Variants in ATF7IP2 observed in about 807,000 individuals in gnomAD.
ATF7IP2 encodes the protein activating transcription factor 7-interacting protein 2.
Under a neutral mutation model 64.2 loss-of-function variants are expected in ATF7IP2, and 42 were observed. The observed-to-expected ratio is 0.65, with a 90% confidence interval of 0.51 to 0.85. The LOEUF is 0.85. Among genes scored for constraint, ATF7IP2 ranks in the 40% least tolerant of loss-of-function variants. ATF7IP2 has a pLI of 0.00. For missense variants in ATF7IP2, 933 were observed against 784.2 expected, an observed-to-expected ratio of 1.19 and a Z score of -2.27; for synonymous variants, 308 against 272.8, an observed-to-expected ratio of 1.13 and a Z score of -1.27.
At chr16:10,432,672 C>T (rs2048295561) in intron 5 of ATF7IP2, among the ~76,000 whole-genome samples, 1 of 152,158 alleles carries the variant, frequency 6.6e-6, no homozygotes, top group Non-Finnish European at 1.5e-5. Flanking sequence ...AGTTCAAGAC[C>T]AGCCTGGCCA....
intron 1 of ATF7IP2, among the ~76,000 whole-genome samples, chr16:10,409,388 TA>T (rs2047706327): frequency 6.6e-6 from 1 of 152,202 alleles, no homozygotes; most frequent in Non-Finnish European, 1.5e-5. Flanking sequence ...GTTAACAAGC[TA>T]AACCTTTGAA....
At chr16:10,392,230 G>C (rs1267816731) in intron 1 of ATF7IP2, among the ~76,000 whole-genome samples, 1 of 151,674 alleles carries the variant, frequency 6.6e-6, no homozygotes, top group African/African-American at 2.4e-5. Flanking sequence ...GTAGAAATGG[G>C]GTTTCGCCAT....
chr16:10,416,313 C>G (rs190948948), intron 2 of ATF7IP2, among the ~76,000 whole-genome samples: 2 of 152,146 alleles, frequency 1.3e-5, no homozygotes. Flanking sequence ...GTGGATGGCT[C>G]TAGAGGTCAT....
chr16:10,462,210 G>A lies in ATF7IP2; in HGVS notation c.1352+4681G>A, dbSNP rs189137210. Among the ~76,000 whole-genome samples the A allele has an allele frequency of 1.3e-3, 204 of 151,984 alleles. 2 individuals are homozygous for A. Among genetic ancestry groups the A allele is most frequent in the African/African-American group, 4.1e-3 (172 of 41,504 alleles). On this transcript the variant is annotated intron_variant, in intron 9 of 13. Coordinates refer to ENST00000562102, the MANE Select transcript of ATF7IP2 (RefSeq NM_001393719.1). ...TTCCCCATCTTATGTGTTTTTGTGC[G>A]TTTCGATTTTACATTAAGTCCTAGA... is the stretch of plus-strand genomic sequence containing the variant.
chr16:10,425,904 AAAGTT>A (rs1466165103), intron 3 of ATF7IP2, among the ~76,000 whole-genome samples: 1 of 152,172 alleles, frequency 6.6e-6, no homozygotes. Context: ...AAAAAAAAAA[AAAGTT>A]AAAGGTAAAG....
intron 9 of ATF7IP2, among the ~76,000 whole-genome samples, chr16:10,459,910 G>A (rs1167392381): frequency 6.6e-6 from 1 of 151,996 alleles, no homozygotes; most frequent in African/African-American, 2.4e-5. Context: ...ATAACATACT[G>A]GATGCCTTAG....
chr16:10,471,360 T>G (rs1250280048), intron 9 of ATF7IP2, among the ~76,000 whole-genome samples: 1 of 152,126 alleles, frequency 6.6e-6, no homozygotes, highest in Non-Finnish European at 1.5e-5. Flanking sequence ...AAACCCTGTC[T>G]CTACTAAAAA....
At chr16:10,391,319 G>A (rs2047317869) in intron 1 of ATF7IP2, among the ~76,000 whole-genome samples, 1 of 151,878 alleles carries the variant, frequency 6.6e-6, no homozygotes, top group Non-Finnish European at 1.5e-5. Context: ...TACTCAGGAG[G>A]CTGAGATGGG....
At chr16:10,438,066 C>G in intron 6 of ATF7IP2, 35 bp from the exon 7 acceptor site, 1 of 1,472,556 alleles carries the variant, frequency 6.8e-7, no homozygotes, top group Non-Finnish European at 9.0e-7. Context: ...AAATTTGAAA[C>G]GTAGGGTGTT....
intron 1 of ATF7IP2, among the ~76,000 whole-genome samples, chr16:10,406,172 C>G (rs2047635295): frequency 6.6e-6 from 1 of 152,018 alleles, no homozygotes; most frequent in African/African-American, 2.4e-5. Context: ...GTGGTGCAAT[C>G]ACGGCTCACC....
chr16:10,420,564 A>G (rs2047971631), intron 3 of ATF7IP2, among the ~76,000 whole-genome samples: 2 of 152,356 alleles, frequency 1.3e-5, no homozygotes, highest in African/African-American at 4.8e-5. Context: ...ATACTGCAGT[A>G]GCAACTAGGT....
intron 1 of ATF7IP2, among the ~76,000 whole-genome samples, chr16:10,391,657 G>C (rs1257456110): frequency 1.3e-5 from 2 of 152,140 alleles, no homozygotes; most frequent in African/African-American, 4.8e-5. Flanking sequence ...CAGCACTTTA[G>C]GAGGCCAGGT....
intron 2 of ATF7IP2, among the ~76,000 whole-genome samples, chr16:10,415,676 C>T (rs2047858279): frequency 6.6e-6 from 1 of 152,158 alleles, no homozygotes; most frequent in African/African-American, 2.4e-5. Context: ...AGACAAGGCA[C>T]AGAATGGGAG....
At chr16:10,472,062 G>A (rs1281896830) in intron 9 of ATF7IP2, 48 bp from the exon 10 acceptor site, 1 of 1,026,750 alleles carries the variant, frequency 9.7e-7, no homozygotes, top group Middle Eastern at 2.1e-4. Context: ...GTTTAAGCCT[G>A]ATAATGCATG....
chr16:10,468,244 C>T (rs564872123), intron 9 of ATF7IP2, among the ~76,000 whole-genome samples: 1 of 152,022 alleles, frequency 6.6e-6, no homozygotes, highest in South Asian at 2.1e-4. Context: ...GAAATAATGG[C>T]AAATGTTAGA....
At chr16:10,421,406 C>A (rs148729950) in intron 3 of ATF7IP2, among the ~76,000 whole-genome samples, 4 of 152,126 alleles carry the variant, frequency 2.6e-5, no homozygotes, top group Non-Finnish European at 4.4e-5. Context: ...AGGGCTATTG[C>A]GACTAGGATC....
intron 3 of ATF7IP2, among the ~76,000 whole-genome samples, chr16:10,426,960 C>G (rs1259548504): frequency 6.6e-6 from 1 of 151,796 alleles, no homozygotes; most frequent in East Asian, 1.9e-4. Flanking sequence ...TCAAGCGATT[C>G]TCTTACCTTG....
intron 8 of ATF7IP2, chr16:10,446,430 A>G (rs561748600): frequency 2.6e-5 from 4 of 152,278 alleles, no homozygotes; most frequent in Admixed American, 2.6e-4. Context: ...TTTCCACCAA[A>G]GGTTAGTTTT....
At chr16:10,402,368 T>C (rs1455935316) in intron 1 of ATF7IP2, among the ~76,000 whole-genome samples, 3 of 152,184 alleles carry the variant, frequency 2.0e-5, no homozygotes, top group Non-Finnish European at 4.4e-5. Context: ...TGAATTTCCA[T>C]ATATTTTTAT....
Sources: allele counts gnomAD v4.1 joint callset (sites outside exome capture counted in the v4.1 genomes callset), GRCh38; gene constraint gnomAD v4.1.1; transcripts MANE v1.5; gene names NCBI Gene and HGNC (gene_info 2026-07-23, HGNC 2026-07-21).